The following ADGRL3 variants were observed in gnomAD, a reference collection of about 807,000 sequenced individuals.
ADGRL3 encodes adhesion G protein-coupled receptor L3.
Under a neutral mutation model 153.5 loss-of-function variants are expected in ADGRL3, and 62 were observed. The ratio of observed to expected loss-of-function variants is 0.40; its 90% CI spans 0.33 to 0.50. The LOEUF is 0.50. Ranked by LOEUF, ADGRL3 falls within the 20% of genes least tolerant of loss-of-function variation. The probability of loss-of-function intolerance (pLI) is 0.47; values close to 1 mark genes in which losing one functional copy is unlikely to be tolerated. For missense variants in ADGRL3, 1,641 were observed against 1,859.4 expected (o/e 0.88, Z 2.16); for synonymous variants, 710 against 672.5 (o/e 1.06, Z -0.86).
chr4:61,486,173 T>C (rs946944607), intron 2 of ADGRL3, among the ~76,000 whole-genome samples: 1 of 152,126 alleles, frequency 6.6e-6, no homozygotes, highest in Non-Finnish European at 1.5e-5. Flanking sequence ...CTCGATCTCC[T>C]GACCTCATGA....
At chr4:61,648,349 CTTTTT>C (rs34166403) in intron 5 of ADGRL3, among the ~76,000 whole-genome samples, 27 of 99,658 alleles carry the variant, frequency 2.7e-4, no homozygotes, top group Admixed American at 2.5e-3. Context: ...ATGAAATCGG[CTTTTT>C]TTTTTTTTTT....
intron 9 of ADGRL3, among the ~76,000 whole-genome samples, chr4:61,835,335 C>T (rs1449343711): frequency 5.8e-5 from 2 of 34,334 alleles, no homozygotes; most frequent in African/African-American, 2.8e-4. Flanking sequence ...AGTGGCAAGA[C>T]TGAAAAAAAA....
rs530589158 is a variant in ADGRL3, at chr4:61,844,821, T to C, written c.1480+30932T>C. Among the ~76,000 whole-genome samples the C allele has an allele frequency of 4.6e-5, 7 of 151,922 alleles. No individual in the cohort carries two copies. In the South Asian group the frequency reaches 1.5e-3, roughly 31 times the overall value. The stretch of plus-strand genomic sequence containing the variant: ...TCACTGCTTTTGGACTGCTTCCTTC[T>C]TCTTTGACCAGCTCCCTCACTCCCT... On this transcript the variant is annotated intron_variant, in intron 9 of 26. Transcript: ENST00000683033.
intron 13 of ADGRL3, among the ~76,000 whole-genome samples, chr4:61,925,646 G>A (rs2098791243): frequency 6.6e-6 from 1 of 151,984 alleles, no homozygotes; most frequent in Non-Finnish European, 1.5e-5. Context: ...GAGAGAGAGT[G>A]GGGTAGGTGT....
At chr4:62,005,999 CACACATATATAT>C (rs1353055579) in intron 21 of ADGRL3, among the ~76,000 whole-genome samples, 8 of 82,612 alleles carry the variant, frequency 9.7e-5, no homozygotes, top group Non-Finnish European at 1.9e-4. Context: ...CACACACACA[CACACATATATAT>C]ATATATATAT....
At chr4:61,768,005 G>T (rs999325487) in intron 8 of ADGRL3, among the ~76,000 whole-genome samples, 3 of 152,096 alleles carry the variant, frequency 2.0e-5, no homozygotes, top group Non-Finnish European at 2.9e-5. Flanking sequence ...TGTATATTGA[G>T]AATAAGACGG....
intron 1 of ADGRL3, among the ~76,000 whole-genome samples, chr4:61,223,997 G>A (rs1394782668): frequency 6.6e-6 from 1 of 151,618 alleles, no homozygotes; most frequent in Non-Finnish European, 1.5e-5. Flanking sequence ...TTCTGTATTG[G>A]TAAATTAGAA....
chr4:61,825,207 G>A (rs2097790005), intron 9 of ADGRL3, among the ~76,000 whole-genome samples: 1 of 152,118 alleles, frequency 6.6e-6, no homozygotes, highest in African/African-American at 2.4e-5. Flanking sequence ...GAATACCAAT[G>A]CCTGCATTTA....
rs530879224 is a variant in ADGRL3, at chr4:61,736,551, G to A, written c.1399+2997G>A. Among the ~76,000 whole-genome samples the A allele has an allele frequency of 2.0e-5, 3 of 152,210 alleles. No individual in the cohort carries two copies. In the South Asian group the frequency reaches 6.2e-4, roughly 32 times the overall value. ...TGGGTGCCTGTAATCCTAGCTACTA[G>A]GGAGGTTGAGGCAGGAGAATCCCTT... On this transcript the variant is annotated intron_variant, in intron 8 of 26. Transcript: ENST00000683033.
At chr4:61,913,050 G>A (rs1477438777) in intron 13 of ADGRL3, among the ~76,000 whole-genome samples, 1 of 151,934 alleles carries the variant, frequency 6.6e-6, no homozygotes, top group African/African-American at 2.4e-5. Context: ...CATAGAGGTG[G>A]GTTTGAAAAC....
chr4:62,060,105 A>T (rs1739259197), intron 25 of ADGRL3, among the ~76,000 whole-genome samples: 3 of 152,040 alleles, frequency 2.0e-5, no homozygotes, highest in African/African-American at 7.2e-5. Flanking sequence ...AAACACAGAA[A>T]CCAGAAAGTT....
At position 61,659,522 on chromosome 4, in the gene ADGRL3, A is replaced by G. The variant is rs964811176; in HGVS notation, c.474-17304A>G. Among the ~76,000 whole-genome samples, 8 of 152,298 alleles carry G rather than the reference A, an allele frequency of 5.3e-5. No homozygotes were observed. In the East Asian group the frequency reaches 1.5e-3, roughly 29 times the overall value. On this transcript the variant is annotated intron_variant, in intron 5 of 26. Coordinates refer to ENST00000683033, the MANE Select transcript of ADGRL3 (RefSeq NM_001387552.1). ...AATGAATAATCTAATTTGCTATTTA[A>G]AAAACAGGTCTTATGATACAAAAGA...
chr4:61,448,402 G>C (rs1000267523), intron 2 of ADGRL3, among the ~76,000 whole-genome samples: 7 of 152,106 alleles, frequency 4.6e-5, no homozygotes, highest in African/African-American at 1.4e-4. Context: ...AGTGTGTTTT[G>C]GCTTGAATCC....
chr4:61,419,523 T>C (rs2097178505), intron 2 of ADGRL3, among the ~76,000 whole-genome samples: 1 of 142,652 alleles, frequency 7.0e-6, no homozygotes, highest in African/African-American at 2.8e-5. Flanking sequence ...GTAAGAACAG[T>C]TGACCTAATG....
chr4:61,748,680 A>C (rs182128211), intron 8 of ADGRL3, among the ~76,000 whole-genome samples: 14,355 of 151,638 alleles, frequency 0.095, 1,537 homozygotes, highest in African/African-American at 0.26. Context: ...AAACTGGATC[A>C]CTTCCTTACA....
chr4:61,401,268 A>T lies in ADGRL3; in HGVS notation c.-174+18079A>T, dbSNP rs180747573. Among the ~76,000 whole-genome samples, 815 of 152,010 alleles carry T rather than the reference A, an allele frequency of 5.4e-3. 5 individuals carry two copies. The highest frequency in any genetic ancestry group is 6.4e-3 in the Non-Finnish European group (432 of 67,876). On this transcript the variant is annotated intron_variant, in intron 2 of 26. Coordinates refer to ENST00000683033, the MANE Select transcript of ADGRL3 (RefSeq NM_001387552.1). ...AATTCAGGGTGTGGTAGAATACTGG[A>T]TCTATTAAAAAGAGTGTAACAGTAA...
intron 5 of ADGRL3, among the ~76,000 whole-genome samples, chr4:61,664,721 AT>A (rs914020063): frequency 3.9e-5 from 6 of 152,220 alleles, no homozygotes; most frequent in African/African-American, 1.2e-4. Context: ...CTGAAAACAT[AT>A]TTTTTATAGG....
chr4:61,314,682 GT>G (rs1332396105), intron 1 of ADGRL3, among the ~76,000 whole-genome samples: 2 of 152,150 alleles, frequency 1.3e-5, no homozygotes, highest in African/African-American at 4.8e-5. Flanking sequence ...CAAACCCAAG[GT>G]TTATTGCCCT....
intron 1 of ADGRL3, among the ~76,000 whole-genome samples, chr4:61,246,487 A>G (rs529811967): frequency 2.0e-5 from 3 of 152,174 alleles, no homozygotes; most frequent in Admixed American, 1.3e-4. Flanking sequence ...TTATTTTTGT[A>G]TACCCAAATT....
Sources: allele counts gnomAD v4.1 joint callset (sites outside exome capture counted in the v4.1 genomes callset), GRCh38; gene constraint gnomAD v4.1.1; transcripts MANE v1.5; gene names NCBI Gene and HGNC (gene_info 2026-07-23, HGNC 2026-07-21).